PPP1R12B: variants seen among roughly 807,000 people sequenced by gnomAD.
PPP1R12B encodes the protein protein phosphatase 1 regulatory subunit 12B.
Under a neutral mutation model 126.1 loss-of-function variants are expected in PPP1R12B, and 76 were observed. The ratio of observed to expected loss-of-function variants is 0.60; its 90% CI spans 0.50 to 0.73. The LOEUF is 0.73. Ranked by LOEUF, PPP1R12B falls within the 30% of genes least tolerant of loss-of-function variation. The probability of loss-of-function intolerance (pLI) is 0.00; values close to 1 mark genes in which losing one functional copy is unlikely to be tolerated. For synonymous variants in PPP1R12B, 356 were observed against 434.7 expected (o/e 0.82, Z 2.25); for missense variants, 1,052 against 1,205.1 (o/e 0.87, Z 1.88).
chr1:202,485,656 A>G (rs920571176), intron 13 of PPP1R12B, among the ~76,000 whole-genome samples: 4 of 152,024 alleles, frequency 2.6e-5, no homozygotes, highest in Non-Finnish European at 5.9e-5. Flanking sequence ...GAAGCAGAAT[A>G]CCTTGCTCCC....
intron 13 of PPP1R12B, among the ~76,000 whole-genome samples, chr1:202,451,525 T>G (rs1235577711): frequency 6.6e-6 from 1 of 150,748 alleles, no homozygotes; most frequent in Non-Finnish European, 1.5e-5. Flanking sequence ...GGCAGAAGAA[T>G]TTTTCTTAGT....
intron 1 of PPP1R12B, among the ~76,000 whole-genome samples, chr1:202,373,012 G>A (rs927052872): frequency 1.3e-5 from 2 of 152,012 alleles, no homozygotes; most frequent in East Asian, 3.9e-4. Context: ...TTGGCTCGCA[G>A]CAACCTTCGC....
chr1:202,353,123 TCAGA>T (rs1278621606), intron 1 of PPP1R12B, among the ~76,000 whole-genome samples: 1 of 152,212 alleles, frequency 6.6e-6, no homozygotes, highest in East Asian at 1.9e-4. Flanking sequence ...CAATTTATAT[TCAGA>T]CAGAGACAGA....
In PPP1R12B at chr1:202,437,856, C is replaced by T. The variant is rs374678067; in HGVS notation, c.1290C>T (p.Pro430=). The change falls in exon 10 of 24, where the codon CCC becomes CCT. Residue 430 remains proline (P), a synonymous_variant. Transcript: ENST00000608999. ...SSGLFNKPEE[P]KDESPSSWRL... ...GCCTTTTTAACAAGCCAGAAGAGCC[C>T]AAAGATGAATCTCCTTCTTCATGGA... is the stretch of plus-strand genomic sequence containing the variant. The T allele has an allele frequency of 1.9e-6, 3 of 1,613,792 alleles. No individual in the cohort carries two copies. Among genetic ancestry groups the T allele is most frequent in the Non-Finnish European group, 2.5e-6 (3 of 1,179,762 alleles).
At chr1:202,463,659 A>G (rs1674602678) in intron 13 of PPP1R12B, among the ~76,000 whole-genome samples, 1 of 152,212 alleles carries the variant, frequency 6.6e-6, no homozygotes, top group Non-Finnish European at 1.5e-5. Flanking sequence ...ACACTCTACA[A>G]TCAGATTGAA....
chr1:202,547,741 AC>A (rs1376450942), intron 18 of PPP1R12B, among the ~76,000 whole-genome samples: 1 of 152,222 alleles, frequency 6.6e-6, no homozygotes, highest in Non-Finnish European at 1.5e-5. Flanking sequence ...TAAAATAATG[AC>A]CTTAAATGTG....
intron 1 of PPP1R12B, among the ~76,000 whole-genome samples, chr1:202,356,023 A>C (rs1657024083): frequency 6.6e-6 from 1 of 150,898 alleles, no homozygotes; most frequent in East Asian, 2.0e-4. Flanking sequence ...CTCCCCACCC[A>C]AAAAAAAATT....
In PPP1R12B at chr1:202,348,869, C is replaced by T; in HGVS notation, c.18C>T (p.His6=). Residue 6 remains histidine (H), a synonymous_variant, in exon 1 of 24, where the codon CAC becomes CAT. Transcript: ENST00000608999. The part of the protein sequence containing the change: MAELE[H]LGGKRAESAR... ...CCGGAGCAATGGCGGAACTGGAGCA[C>T]CTAGGAGGGAAGCGGGCAGAGTCGG... 6.2e-7 allele frequency: 1 copy of T among 1,610,100 alleles called. No homozygotes were observed.
In PPP1R12B at chr1:202,351,276, C is replaced by T. The variant is rs1274495631; in HGVS notation, c.291+2134C>T. Among the ~76,000 whole-genome samples, 8 of 139,774 alleles carry T rather than the reference C, an allele frequency of 5.7e-5. No homozygotes were observed. In the East Asian group the frequency reaches 1.1e-3, roughly 18 times the overall value. The allele number at this position is 139,774 out of a possible 152,430, so 91.7% of individuals were successfully genotyped here. A position where few individuals can be genotyped will look rare whatever the true frequency, so the allele number is the denominator to read the frequency against. ...AAAAAACAGTGTCTCACTGTATCTC[C>T]CAGGCTGGAGTACAGTGGTGCAGTC... On this transcript the variant is annotated intron_variant, in intron 1 of 23. Transcript: ENST00000608999.
intron 18 of PPP1R12B, among the ~76,000 whole-genome samples, chr1:202,533,060 G>A (rs1684138507): frequency 6.6e-6 from 1 of 151,740 alleles, no homozygotes; most frequent in African/African-American, 2.4e-5. Flanking sequence ...GTAGACATGG[G>A]GTTTCTCCAT....
intron 15 of PPP1R12B, 121 bp from the exon 16 acceptor site, chr1:202,495,172 T>C (rs780938869): frequency 4.1e-5 from 29 of 707,056 alleles, no homozygotes; most frequent in Non-Finnish European, 6.0e-5. Flanking sequence ...AGGTACTCAA[T>C]ATTGATCATC....
intron 3 of PPP1R12B, among the ~76,000 whole-genome samples, chr1:202,424,672 A>G (rs1669266570): frequency 6.6e-6 from 1 of 152,106 alleles, no homozygotes; most frequent in Non-Finnish European, 1.5e-5. Context: ...AAAGACTGCT[A>G]ATGAGTGTAA....
In PPP1R12B at chr1:202,472,876, T is replaced by C. The variant is rs1676126755; in HGVS notation, c.1851-15657T>C. ...GCTGGTGTAGCACAGCAAGCAGTAG[T>C]CACACAGCCTTGCCTATTCATTTAT... On this transcript the variant is annotated intron_variant, in intron 13 of 23. Coordinates refer to ENST00000608999, the MANE Select transcript of PPP1R12B (RefSeq NM_002481.4). Among the ~76,000 whole-genome samples, 3 of 152,336 alleles carry C rather than the reference T, an allele frequency of 2.0e-5. No homozygotes were observed. The East Asian group carries it at 5.8e-4, about 29-fold the overall frequency.
intron 9 of PPP1R12B, among the ~76,000 whole-genome samples, chr1:202,437,244 T>C (rs1670945614): frequency 6.6e-6 from 1 of 151,908 alleles, no homozygotes; most frequent in Non-Finnish European, 1.5e-5. Context: ...AGGGGGAGGA[T>C]TGCTTGGGCG....
chr1:202,476,618 GGTTA>G (rs1676703698), intron 13 of PPP1R12B, among the ~76,000 whole-genome samples: 1 of 151,732 alleles, frequency 6.6e-6, no homozygotes, highest in Admixed American at 6.6e-5. Context: ...GGAAGGCAGA[GGTTA>G]CAGTGAGCCG....
In PPP1R12B at chr1:202,588,478, A is replaced by AAAGT. The variant is rs1309691365; in HGVS notation, c.*7919_*7922dup. On this transcript the variant is annotated 3_prime_UTR_variant, in exon 24 of 24. Transcript: ENST00000608999. ...TATAGTTTTGAGTATTCTGTGTTTG[A>AAAGT]AAGTTTGGGAATAATAATATTCACT... 2.0e-5 allele frequency: 3 copies of AAAGT among 152,600 alleles called. No homozygotes were observed. Among genetic ancestry groups the AAAGT allele is most frequent in the Non-Finnish European group, 4.4e-5 (3 of 68,032 alleles). 9.5% of individuals were successfully genotyped at this position (152,600 alleles called of 1,614,324 possible). A position where few individuals can be genotyped will look rare whatever the true frequency, so the allele number is the denominator to read the frequency against.
At chr1:202,499,113 T>C (rs1307252744) in intron 18 of PPP1R12B, among the ~76,000 whole-genome samples, 8 of 152,158 alleles carry the variant, frequency 5.3e-5, no homozygotes, top group East Asian at 1.9e-4. Context: ...AATCAAGATA[T>C]AGAACTTTTC....
At chr1:202,395,045 A>C (rs1480046920) in intron 1 of PPP1R12B, among the ~76,000 whole-genome samples, 2 of 135,392 alleles carry the variant, frequency 1.5e-5, no homozygotes, top group Non-Finnish European at 3.1e-5. Context: ...TAGACCTGGG[A>C]GGCAGAGGTT....
Position 202,495,383 on chromosome 1 carries a change from A to G in PPP1R12B, c.2236A>G (p.Ser746Gly). ...TACGTCAAGACCCTCACTCTACACCAGTTCCCACCTGCTATGGACAAATAG... is the reference window on the plus strand; with the variant it reads ...TACGTCAAGACCCTCACTCTACACCGGTTCCCACCTGCTATGGACAAATAG... Reference protein sequence around the residue: ...PSTSRPSLYTSSHLLWTNRFS... With the variant: ...PSTSRPSLYTGSHLLWTNRFS... The change falls in exon 16 of 24, where the codon AGT becomes GGT. Residue 746 changes from serine to glycine, a missense_variant. Coordinates refer to ENST00000608999, the MANE Select transcript of PPP1R12B (RefSeq NM_002481.4). The G allele has an allele frequency of 6.2e-7, 1 of 1,611,326 alleles. No homozygotes were observed. The highest frequency in any genetic ancestry group is 1.3e-5 in the African/African-American group (1 of 74,948).
Sources: gnomAD v4.1 joint callset for allele counts (sites outside exome capture counted in the v4.1 genomes callset) on GRCh38, gnomAD v4.1.1 for gene constraint, MANE v1.5 for transcripts, NCBI Gene and HGNC (gene_info 2026-07-23, HGNC 2026-07-21) for gene names.